The following EML4 variants were observed in gnomAD, a reference collection of about 807,000 sequenced individuals.
EML4 encodes echinoderm microtubule-associated protein-like 4.
EML4 carries 72 observed loss-of-function variants against 129.0 expected under a neutral mutation model. That is an observed-to-expected ratio of 0.56 (90% CI 0.46 to 0.68). The LOEUF is 0.68. Among genes scored for constraint, EML4 ranks in the 30% least tolerant of loss-of-function variants. The probability of loss-of-function intolerance (pLI) is 0.00; values close to 1 mark genes in which losing one functional copy is unlikely to be tolerated. For synonymous variants in EML4, 532 were observed against 405.0 expected, an observed-to-expected ratio of 1.31 and a Z score of -3.77; for missense variants, 1,363 against 1,190.6, an observed-to-expected ratio of 1.14 and a Z score of -2.13.
intron 1 of EML4, among the ~76,000 whole-genome samples, chr2:42,226,237 A>G (rs2104152465): frequency 6.6e-6 from 1 of 152,228 alleles, no homozygotes; most frequent in East Asian, 1.9e-4. Context: ...TACTCATGTA[A>G]TTCTTAGCCA....
chr2:42,305,238 T>C (rs909488250), intron 17 of EML4, among the ~76,000 whole-genome samples: 1 of 152,130 alleles, frequency 6.6e-6, no homozygotes, highest in African/African-American at 2.4e-5. Context: ...ACACCATCTC[T>C]ACAAAAAATA....
intron 1 of EML4, among the ~76,000 whole-genome samples, chr2:42,189,188 G>C (rs910281613): frequency 6.6e-6 from 1 of 152,134 alleles, no homozygotes; most frequent in African/African-American, 2.4e-5. Context: ...TTTTAAAACA[G>C]TGATAATATT....
rs894190549 is a variant in EML4 at position 42,233,052 on chromosome 2, A to G, written c.26-12453A>G. Among the ~76,000 whole-genome samples, 3 of 151,958 alleles carry G rather than the reference A, an allele frequency of 2.0e-5. No individual in the cohort carries two copies. The East Asian group carries it at 5.8e-4, about 30-fold the overall frequency. ...AGGCCTTTTGTAAGTATTAATCTGG[A>G]TCATTTTGCCTCATTCCAATGTCTT... On this transcript the variant is annotated intron_variant, in intron 1 of 22. Transcript: ENST00000318522.
At chr2:42,249,275 T>C (rs999509947) in intron 2 of EML4, among the ~76,000 whole-genome samples, 4 of 118,698 alleles carry the variant, frequency 3.4e-5, no homozygotes, top group Admixed American at 8.1e-5. Context: ...TTTTATACTA[T>C]AGACAGTTTT....
intron 1 of EML4, among the ~76,000 whole-genome samples, chr2:42,198,315 A>G (rs947682217): frequency 2.6e-5 from 4 of 152,164 alleles, no homozygotes; most frequent in African/African-American, 7.2e-5. Context: ...ATGGGCATGT[A>G]TGATTGACCT....
chr2:42,203,653 G>A (rs370513171), intron 1 of EML4, among the ~76,000 whole-genome samples: 1 of 71,090 alleles, frequency 1.4e-5, no homozygotes, highest in African/African-American at 5.5e-5. Context: ...TTTTTTTTTT[G>A]TAGAAGTTCC....
intron 7 of EML4, among the ~76,000 whole-genome samples, chr2:42,282,219 A>G (rs767275061): frequency 2.7e-4 from 41 of 151,602 alleles, no homozygotes; most frequent in Non-Finnish European, 4.7e-4. Flanking sequence ...CTCTAGAGAC[A>G]TAGGGCCTAC....
At chr2:42,171,164 T>A (rs573457499) in intron 1 of EML4, among the ~76,000 whole-genome samples, 1 of 152,360 alleles carries the variant, frequency 6.6e-6, no homozygotes, top group Non-Finnish European at 1.5e-5. Context: ...TGGTTCTTTT[T>A]TAGCTCCATG....
intron 6 of EML4, among the ~76,000 whole-genome samples, chr2:42,277,341 T>G (rs1558566617): frequency 6.6e-6 from 1 of 152,058 alleles, no homozygotes; most frequent in Non-Finnish European, 1.5e-5. Context: ...ACTGCAGAAG[T>G]AGGGAATATT....
chr2:42,213,978 G>A (rs1051644002), intron 1 of EML4, among the ~76,000 whole-genome samples: 1 of 152,196 alleles, frequency 6.6e-6, no homozygotes. Context: ...TATTATGTGT[G>A]TAGTCAGAGA....
chr2:42,262,412 CT>C (rs1386433786), intron 4 of EML4, among the ~76,000 whole-genome samples: 1 of 152,026 alleles, frequency 6.6e-6, no homozygotes, highest in African/African-American at 2.4e-5. Context: ...TTTAAGGTGG[CT>C]TTTTATAATC....
intron 17 of EML4, among the ~76,000 whole-genome samples, chr2:42,309,142 A>T (rs1267641821): frequency 6.6e-6 from 1 of 152,100 alleles, no homozygotes; most frequent in South Asian, 2.1e-4. Context: ...ACAATGGCTC[A>T]CACCTGTAAT....
chr2:42,200,854 G>A (rs1672189399), intron 1 of EML4, among the ~76,000 whole-genome samples: 1 of 152,182 alleles, frequency 6.6e-6, no homozygotes, highest in Non-Finnish European at 1.5e-5. Context: ...CTTTGCAGGG[G>A]ACAGTAGGGG....
chr2:42,246,268 C>T (rs1160269668), intron 2 of EML4, among the ~76,000 whole-genome samples: 1 of 152,000 alleles, frequency 6.6e-6, no homozygotes, highest in South Asian at 2.1e-4. Context: ...ATGTAGTGTA[C>T]CTTTTCCCTT....
chr2:42,313,222 C>T (rs1450486630), intron 17 of EML4, among the ~76,000 whole-genome samples: 1 of 152,036 alleles, frequency 6.6e-6, no homozygotes, highest in Non-Finnish European at 1.5e-5. Flanking sequence ...TCCCAAAGTG[C>T]TGGGATTACA....
Position 42,193,015 on chromosome 2 carries a change from C to T in EML4, c.25+23379C>T, listed in dbSNP as rs537678893. Among the ~76,000 whole-genome samples the T allele has an allele frequency of 1.1e-3, 165 of 152,194 alleles. 1 individual carries two copies. The highest frequency in any genetic ancestry group is 2.0e-3 in the Non-Finnish European group (136 of 68,000). Reference sequence around the variant, plus strand: ...AACTGACATGTTTGGCTGGTTGGCTCCACTTAGCCAAACCTTAGTCTTTAG... The same window carrying T: ...AACTGACATGTTTGGCTGGTTGGCTTCACTTAGCCAAACCTTAGTCTTTAG... On this transcript the variant is annotated intron_variant, in intron 1 of 22. Coordinates refer to ENST00000318522, the MANE Select transcript of EML4 (RefSeq NM_019063.5).
At chr2:42,317,740 ACT>A (rs1669320655) in intron 19 of EML4, among the ~76,000 whole-genome samples, 2 of 152,128 alleles carry the variant, frequency 1.3e-5, no homozygotes, top group African/African-American at 4.8e-5. Flanking sequence ...AATATTTGTC[ACT>A]CTGTGACTAG....
intron 16 of EML4, 45 bp downstream of exon 16, chr2:42,303,491 C>A: frequency 6.3e-7 from 1 of 1,596,640 alleles, no homozygotes; most frequent in South Asian, 1.1e-5. Context: ...ACAGAAACTC[C>A]TCACACTGGC....
intron 1 of EML4, among the ~76,000 whole-genome samples, chr2:42,201,694 G>A (rs1672241574): frequency 6.6e-6 from 1 of 152,138 alleles, no homozygotes; most frequent in East Asian, 1.9e-4. Context: ...GAACCTAGAA[G>A]ACATTCTGCT....
Sources: allele counts gnomAD v4.1 joint callset (sites outside exome capture counted in the v4.1 genomes callset), GRCh38; gene constraint gnomAD v4.1.1; transcripts MANE v1.5; gene names NCBI Gene and HGNC (gene_info 2026-07-23, HGNC 2026-07-21).